The following CASD1 variants were observed in gnomAD, a reference collection of about 807,000 sequenced individuals.
The protein encoded by CASD1 is CAS1 domain sialic acid O acetyltransferase 1, also known as N-acetylneuraminate (7)9-O-acetyltransferase.
Under a neutral mutation model 100.0 loss-of-function variants are expected in CASD1, and 41 were observed. The ratio of observed to expected loss-of-function variants is 0.41; its 90% CI spans 0.32 to 0.53. The LOEUF is 0.53. CASD1 is among the 20% of genes least tolerant of loss of function. The probability of loss-of-function intolerance (pLI) is 0.25; values close to 1 mark genes in which losing one functional copy is unlikely to be tolerated. For synonymous variants in CASD1, 321 were observed against 315.6 expected, an observed-to-expected ratio of 1.02 and a Z score of -0.18; for missense variants, 774 against 948.7, an observed-to-expected ratio of 0.82 and a Z score of 2.42.
At chr7:94,613,276 GTAA>G in the CASD1 span, among the ~76,000 whole-genome samples, 1 of 152,084 alleles carries the variant, frequency 6.6e-6, no homozygotes, top group African/African-American at 2.4e-5. Context: ...GAGTCCATGT[GTAA>G]TAATAATAAC....
downstream of CASD1, among the ~76,000 whole-genome samples, chr7:94,558,244 G>A (rs1470414626): frequency 6.6e-6 from 1 of 151,978 alleles, no homozygotes; most frequent in Non-Finnish European, 1.5e-5. Flanking sequence ...TTCTATTCTC[G>A]AATGACTTTA....
chr7:94,576,938 T>C, the CASD1 span, among the ~76,000 whole-genome samples: 1 of 152,218 alleles, frequency 6.6e-6, no homozygotes, highest in Non-Finnish European at 1.5e-5. Flanking sequence ...ACAGCCCATG[T>C]AGTGAAGTTT....
At chr7:94,562,434 A>G in the CASD1 span, among the ~76,000 whole-genome samples, 2,214 of 152,154 alleles carry the variant, frequency 0.015, 49 homozygotes, top group African/African-American at 0.051. Context: ...TAGTAGTAAT[A>G]TTTTTGCCTC....
chr7:94,528,171 T>C lies in CASD1; in HGVS notation c.397-17T>C. On this transcript the variant is annotated splice_polypyrimidine_tract_variant and intron_variant, in intron 4 of 17. Coordinates refer to ENST00000297273, the MANE Select transcript of CASD1 (RefSeq NM_022900.5). The stretch of plus-strand genomic sequence containing the variant: ...GTTTCTTCAACTTTTTCTTTACTTC[T>C]AACATTTCTCTTTTAGGATTTTCTG... The C allele has an allele frequency of 6.4e-7, 1 of 1,572,080 alleles. No individual in the cohort carries two copies. The highest frequency in any genetic ancestry group is 1.1e-5 in the South Asian group (1 of 87,570).
the CASD1 span, chr7:94,598,982 AAAC>A: frequency 6.9e-6 from 11 of 1,594,588 alleles, no homozygotes; most frequent in Non-Finnish European, 9.5e-6. Flanking sequence ...AAAAGAAATA[AAAC>A]AACATATATT....
intron 5 of CASD1, among the ~76,000 whole-genome samples, chr7:94,532,363 G>C (rs1036158411): frequency 3.9e-5 from 6 of 152,018 alleles, no homozygotes; most frequent in Admixed American, 6.6e-5. Context: ...AGTAAAATAG[G>C]GGTTACTTTA....
chr7:94,518,590 T>C (rs1180177389), intron 3 of CASD1, among the ~76,000 whole-genome samples: 1 of 152,178 alleles, frequency 6.6e-6, no homozygotes, highest in Non-Finnish European at 1.5e-5. Flanking sequence ...GAAAAACTTT[T>C]AAATTTCCTT....
At chr7:94,603,201 A>T in the CASD1 span, 1 of 1,004,494 alleles carries the variant, frequency 1.0e-6, no homozygotes, top group Non-Finnish European at 1.5e-6. Flanking sequence ...CCTAGGATTT[A>T]TTCCTAAAAG....
chr7:94,624,790 T>C, the CASD1 span: 1 of 152,044 alleles, frequency 6.6e-6, no homozygotes, highest in Non-Finnish European at 1.5e-5. Context: ...TTTTTTCAAA[T>C]TAATAGCAAT....
the CASD1 span, among the ~76,000 whole-genome samples, chr7:94,633,611 C>A: frequency 1.3e-5 from 2 of 151,872 alleles, no homozygotes; most frequent in Non-Finnish European, 2.9e-5. Flanking sequence ...TAACAGACCA[C>A]GAAAGCAGTA....
intron 8 of CASD1, 73 bp downstream of exon 8, chr7:94,535,596 C>T: frequency 2.8e-6 from 3 of 1,059,696 alleles, no homozygotes; most frequent in Non-Finnish European, 4.3e-6. Context: ...GTCATTATAA[C>T]ATGGTTATAA....
chr7:94,564,529 T>C, the CASD1 span, among the ~76,000 whole-genome samples: 1 of 152,174 alleles, frequency 6.6e-6, no homozygotes, highest in Non-Finnish European at 1.5e-5. Flanking sequence ...AAGGACCCAA[T>C]TGAGGCTAAC....
the CASD1 span, among the ~76,000 whole-genome samples, chr7:94,612,341 G>T: frequency 6.6e-6 from 1 of 151,928 alleles, no homozygotes; most frequent in African/African-American, 2.4e-5. Context: ...ATTGCCAAAA[G>T]AACTATTTTC....
chr7:94,517,894 A>G (rs1337549924), intron 2 of CASD1, among the ~76,000 whole-genome samples: 3 of 152,228 alleles, frequency 2.0e-5, no homozygotes, highest in Non-Finnish European at 4.4e-5. Context: ...TCCTTGAGCA[A>G]AAGACTCTTG....
the CASD1 span, chr7:94,629,658 A>G: frequency 2.0e-6 from 3 of 1,475,076 alleles, no homozygotes; most frequent in Non-Finnish European, 2.8e-6. Flanking sequence ...TGTCTATATT[A>G]TGCAAATTAA....
At chr7:94,512,547 G>A (rs986064327) in intron 1 of CASD1, among the ~76,000 whole-genome samples, 7 of 152,342 alleles carry the variant, frequency 4.6e-5, no homozygotes, top group African/African-American at 1.7e-4. Flanking sequence ...ACCCACTACA[G>A]AAAGTAAAGC....
chr7:94,546,339 C>T (rs76753350), intron 12 of CASD1, among the ~76,000 whole-genome samples: 2,227 of 152,024 alleles, frequency 0.015, 49 homozygotes, highest in African/African-American at 0.051. Context: ...TTAATGCTTT[C>T]TTCACCCTCA....
intron 2 of CASD1, 109 bp downstream of exon 2, chr7:94,517,765 G>A: frequency 1.5e-6 from 1 of 673,818 alleles, no homozygotes; most frequent in Admixed American, 2.7e-5. Flanking sequence ...GTAGAGACTT[G>A]CTGACTGAGT....
chr7:94,607,462 A>T, the CASD1 span, among the ~76,000 whole-genome samples: 1 of 152,238 alleles, frequency 6.6e-6, no homozygotes, highest in Non-Finnish European at 1.5e-5. Flanking sequence ...CACAATGATC[A>T]ACTGGGACTT....
Sources: gnomAD v4.1 joint callset for allele counts (sites outside exome capture counted in the v4.1 genomes callset) on GRCh38, gnomAD v4.1.1 for gene constraint, MANE v1.5 for transcripts, NCBI Gene and HGNC (gene_info 2026-07-23, HGNC 2026-07-21) for gene names.